Variants in PAXBP1 observed in about 807,000 individuals in gnomAD.
PAXBP1 encodes PAX3- and PAX7-binding protein 1.
A neutral mutation model predicts 119.9 loss-of-function variants in PAXBP1; 44 were observed. That is an observed-to-expected ratio of 0.37 (90% confidence interval 0.29 to 0.47). The LOEUF (loss-of-function observed/expected upper bound fraction) is 0.47, where lower values mean the gene tolerates loss of function less well. Among genes scored for constraint, PAXBP1 ranks in the 20% least tolerant of loss-of-function variants. The pLI is 0.99. For missense variants in PAXBP1, 898 were observed against 1,134.1 expected (o/e 0.79, Z 2.99); for synonymous variants, 393 against 406.6 (o/e 0.97, Z 0.40).
At chr21:32,745,959 A>C (rs2043865828) in intron 11 of PAXBP1, among the ~76,000 whole-genome samples, 2 of 152,250 alleles carry the variant, frequency 1.3e-5, no homozygotes, top group South Asian at 4.2e-4. Flanking sequence ...CAGCAATAAG[A>C]CCGCACACCT....
chr21:32,763,025 C>T (rs560904502), intron 3 of PAXBP1, among the ~76,000 whole-genome samples: 2 of 151,768 alleles, frequency 1.3e-5, no homozygotes, highest in East Asian at 1.9e-4. Flanking sequence ...GTACATTTCT[C>T]TTGCAGATAG....
rs951044711 is a variant in PAXBP1 at position 32,771,738 on chromosome 21, G to C, written c.-70C>G. The C allele has an allele frequency of 7.9e-7, 1 of 1,261,132 alleles. No individual in the cohort carries two copies. The highest frequency in any genetic ancestry group is 1.0e-6 in the Non-Finnish European group (1 of 985,428). 78.1% of individuals were successfully genotyped at this position (1,261,132 alleles called of 1,614,324 possible). A position where few individuals can be genotyped will look rare whatever the true frequency, so the allele number is the denominator to read the frequency against. On this transcript the variant is annotated 5_prime_UTR_variant, in exon 1 of 18. Transcript: ENST00000331923. The stretch of plus-strand genomic sequence containing the variant: ...GCCCCGGCAGCGCCGAGCTCGTGAC[G>C]GCGCACGCGCGCTCTCCGGAGCTCC...
intron 17 of PAXBP1, among the ~76,000 whole-genome samples, chr21:32,735,622 A>G (rs1050096831): frequency 6.6e-6 from 1 of 152,226 alleles, no homozygotes; most frequent in Admixed American, 6.5e-5. Context: ...AGCACACATT[A>G]GAATTACCTA....
chr21:32,752,729 G>A (rs1431780895), intron 8 of PAXBP1, among the ~76,000 whole-genome samples: 1 of 151,972 alleles, frequency 6.6e-6, no homozygotes, highest in East Asian at 1.9e-4. Flanking sequence ...AACCTCCGCC[G>A]CCCAGGTTCA....
At chr21:32,735,096 A>G (rs1188387242) in intron 17 of PAXBP1, 29 bp from the exon 18 acceptor site, 2 of 1,466,476 alleles carry the variant, frequency 1.4e-6, no homozygotes, top group Non-Finnish European at 1.9e-6. Flanking sequence ...GCAGCATCTC[A>G]TTAATTAGTA....
Position 32,771,521 on chromosome 21 carries a change from C to A in PAXBP1, c.148G>T (p.Ala50Ser). ...CCCAGCAGCGACTCCCCGCCAGGGG[C>A]CCTGTCGCCGCCACCGGGGCCCGCC... ...EEAGPGGGDR[A>S]PGGESLLGPG... Residue 50 changes from alanine to serine, a missense_variant, in exon 1 of 18, where the codon GCC becomes TCC. Physicochemically the swap from Ala to Ser is moderately conservative, Grantham distance 99. Transcript: ENST00000331923. 7.5e-7 allele frequency: 1 copy of A among 1,340,096 alleles called. No individual in the cohort carries two copies. The highest frequency in any genetic ancestry group is 9.5e-7 in the Non-Finnish European group (1 of 1,051,804). 83.0% of individuals were successfully genotyped at this position (1,340,096 alleles called of 1,614,324 possible). A position where few individuals can be genotyped will look rare whatever the true frequency, so the allele number is the denominator to read the frequency against.
intron 1 of PAXBP1, 145 bp from the exon 2 acceptor site, chr21:32,770,087 TCA>T (rs1415384705): frequency 3.3e-6 from 2 of 613,878 alleles, no homozygotes; most frequent in African/African-American, 1.9e-5. Context: ...TTCAAGTCTG[TCA>T]CAGACTCAAA....
At chr21:32,762,355 T>C (rs376061220) in intron 3 of PAXBP1, 38 bp from the exon 4 acceptor site, 2 of 1,572,694 alleles carry the variant, frequency 1.3e-6, no homozygotes, top group Non-Finnish European at 1.7e-6. Flanking sequence ...GTATGAGAGA[T>C]GCAAAGTTTC....
intron 7 of PAXBP1, among the ~76,000 whole-genome samples, chr21:32,757,638 G>T (rs1034059627): frequency 1.3e-5 from 2 of 152,302 alleles, no homozygotes; most frequent in Non-Finnish European, 2.9e-5. Flanking sequence ...TTTTAGAGTT[G>T]TGTTTGCAAT....
chr21:32,761,954 G>GT, intron 4 of PAXBP1, 142 bp downstream of exon 4: 3 of 799,692 alleles, frequency 3.8e-6, no homozygotes, highest in Non-Finnish European at 6.0e-6. Context: ...AAGGGTGACT[G>GT]TTTGAGTCCA....
At position 32,758,990 on chromosome 21, in the gene PAXBP1, TTC is replaced by T. The variant is rs1219203609; in HGVS notation, c.1383+88_1383+89del. 339 of 1,303,356 alleles carry T rather than the reference TTC, an allele frequency of 2.6e-4. No individual in the cohort carries two copies. The African/African-American group carries it at 4.5e-3, about 17-fold the overall frequency. 80.7% of individuals were successfully genotyped at this position (1,303,356 alleles called of 1,614,324 possible). ...TCTAATGTTGAGTTCAGTGGGTACTTTCTGAGAATTATAGAATGTTCTACACA... is the reference window on the plus strand; with the variant it reads ...TCTAATGTTGAGTTCAGTGGGTACTTTGAGAATTATAGAATGTTCTACACA... On this transcript the variant is annotated intron_variant, in intron 7 of 17. Coordinates refer to ENST00000331923, the MANE Select transcript of PAXBP1 (RefSeq NM_016631.4).
At chr21:32,743,929 C>T (rs1842538156) in intron 13 of PAXBP1, among the ~76,000 whole-genome samples, 175 bp from the exon 14 acceptor site, 1 of 151,960 alleles carries the variant, frequency 6.6e-6, no homozygotes. Flanking sequence ...TAGTTCATTC[C>T]TCAACAACTG....
intron 7 of PAXBP1, 51 bp downstream of exon 7, chr21:32,759,029 A>AC (rs1407480063): frequency 6.4e-7 from 1 of 1,562,630 alleles, no homozygotes; most frequent in African/African-American, 1.4e-5. Flanking sequence ...GGCCATCTAG[A>AC]CCTCCCTAAT....
intron 17 of PAXBP1, among the ~76,000 whole-genome samples, chr21:32,736,804 T>G (rs1349427447): frequency 6.6e-6 from 1 of 152,198 alleles, no homozygotes; most frequent in African/African-American, 2.4e-5. Flanking sequence ...GTTCACTCAC[T>G]CTTTTCTTAC....
intron 15 of PAXBP1, 83 bp from the exon 16 acceptor site, chr21:32,738,402 G>T: frequency 8.8e-7 from 1 of 1,133,752 alleles, no homozygotes; most frequent in Non-Finnish European, 1.2e-6. Context: ...AACACCATAT[G>T]AAATACAGCA....
At chr21:32,738,116 A>C in intron 16 of PAXBP1, 57 bp downstream of exon 16, 1 of 1,454,526 alleles carries the variant, frequency 6.9e-7, no homozygotes, top group South Asian at 1.4e-5. Context: ...AAACAAACAA[A>C]AACTTAATTC....
intron 7 of PAXBP1, among the ~76,000 whole-genome samples, chr21:32,758,856 G>T (rs1430663708): frequency 6.6e-6 from 1 of 152,012 alleles, no homozygotes; most frequent in Non-Finnish European, 1.5e-5. Flanking sequence ...ATTTAAATGT[G>T]CTTTAAGATA....
intron 1 of PAXBP1, 91 bp downstream of exon 1, chr21:32,771,235 G>C (rs1332435232): frequency 4.9e-6 from 6 of 1,212,488 alleles, no homozygotes; most frequent in African/African-American, 1.6e-5. Flanking sequence ...CCAGGGCTCC[G>C]GGGCTGGGCG....
intron 3 of PAXBP1, among the ~76,000 whole-genome samples, 181 bp from the exon 4 acceptor site, chr21:32,762,498 A>G (rs1285178673): frequency 1.3e-5 from 2 of 152,222 alleles, no homozygotes; most frequent in African/African-American, 2.4e-5. Flanking sequence ...AATGGAATAT[A>G]AAAGTCACTG....
Sources: gnomAD v4.1 joint callset for allele counts (sites outside exome capture counted in the v4.1 genomes callset) on GRCh38, gnomAD v4.1.1 for gene constraint, MANE v1.5 for transcripts, NCBI Gene and HGNC (gene_info 2026-07-23, HGNC 2026-07-21) for gene names.